RHD: variants seen among roughly 807,000 people sequenced by gnomAD.
The protein encoded by RHD is Rh blood group D antigen.
A neutral mutation model predicts 45.5 loss-of-function variants in RHD; 16 were observed. That is an observed-to-expected ratio of 0.35 (90% CI 0.24 to 0.53). The LOEUF is 0.53. RHD is among the 20% of genes least tolerant of loss of function. The pLI is 0.92. For missense variants in RHD, 306 were observed against 532.0 expected, an observed-to-expected ratio of 0.58 and a Z score of 4.18; for synonymous variants, 131 against 217.5, an observed-to-expected ratio of 0.60 and a Z score of 3.50.
In RHD at chr1:25,274,696, T is replaced by C. The variant is rs2124584829; in HGVS notation, c.148+2001T>C. ...ACTGAGCCTGGGCTTAACATTGCAT[T>C]GCCCTGGAGCCTAAAAGGGGAAACA... is the stretch of plus-strand genomic sequence containing the variant. On this transcript the variant is annotated intron_variant, in intron 1 of 9. Coordinates refer to ENST00000328664, the MANE Select transcript of RHD (RefSeq NM_016124.6). 1.5e-5 allele frequency among the ~76,000 whole-genome samples: 2 copies of C among 133,474 alleles called. 1 individual carries two copies. Among genetic ancestry groups the C allele is most frequent in the African/African-American group, 5.1e-5 (2 of 39,242 alleles). The allele number at this position is 133,474 out of a possible 152,430, so 87.6% of individuals were successfully genotyped here.
chr1:25,276,416 TA>T (rs59061341), intron 1 of RHD, among the ~76,000 whole-genome samples: 2,988 of 88,508 alleles, frequency 0.034, 312 homozygotes, highest in African/African-American at 0.08. Flanking sequence ...AATAGTTAAT[TA>T]AAAAAAAAAA....
chr1:25,313,051 C>T (rs1342615270), intron 7 of RHD, among the ~76,000 whole-genome samples: 1 of 121,060 alleles, frequency 8.3e-6, no homozygotes, highest in Non-Finnish European at 1.9e-5. Flanking sequence ...CCTCAAATTT[C>T]ATGTGTTGGA....
rs951428205 is a variant in RHD at position 25,290,585 on chromosome 1, A to ATGAATGAG, written c.336-53_336-52insATGAGTGA. 4 of 1,172,858 alleles carry ATGAATGAG rather than the reference A, an allele frequency of 3.4e-6. No homozygotes were observed. The African/African-American group carries it at 6.0e-5, about 18-fold the overall frequency. 72.7% of individuals were successfully genotyped at this position (1,172,858 alleles called of 1,614,324 possible). ...AATGAATGAATGAATGAATGAATGAATGAGTGAGAGGCATCCTTCCTTCTC... is the reference window on the plus strand; with the variant it reads ...AATGAATGAATGAATGAATGAATGAATGAATGAGTGAGTGAGAGGCATCCTTCCTTCTC... On this transcript the variant is annotated intron_variant, in intron 2 of 9. Transcript: ENST00000328664.
At chr1:25,307,684 G>A in intron 7 of RHD, 1 of 1,304,048 alleles carries the variant, frequency 7.7e-7, no homozygotes, top group East Asian at 2.5e-5. Context: ...AATGGCTGAA[G>A]CAGGTGATGA....
At chr1:25,323,423 C>T (rs1471265665) in intron 9 of RHD, among the ~76,000 whole-genome samples, 1 of 113,518 alleles carries the variant, frequency 8.8e-6, no homozygotes, top group Non-Finnish European at 2.1e-5. Context: ...CCAAAGGCAA[C>T]CACTGAACTA....
intron 1 of RHD, among the ~76,000 whole-genome samples, chr1:25,273,300 T>TA (rs1276094160): frequency 1.8e-5 from 2 of 112,594 alleles, no homozygotes; most frequent in Non-Finnish European, 3.9e-5. Flanking sequence ...CATGCCTGGC[T>TA]AATTTTTTTT....
chr1:25,280,201 G>A (rs943924703), intron 1 of RHD, among the ~76,000 whole-genome samples: 2 of 128,844 alleles, frequency 1.6e-5, no homozygotes, highest in Admixed American at 1.5e-4. Context: ...GTAGAGCCTT[G>A]GGGAGGAAGG....
Position 25,281,310 on chromosome 1 carries a change from A to G in RHD, c.149-3263A>G, listed in dbSNP as rs1641471545. Among the ~76,000 whole-genome samples the G allele has an allele frequency of 1.6e-5, 2 of 128,610 alleles. 1 individual carries two copies. The highest frequency in any genetic ancestry group is 1.5e-4 in the Admixed American group (2 of 13,318). 84.4% of individuals were successfully genotyped at this position (128,610 alleles called of 152,430 possible). ...CTGAAGGTCTTCCTTACAATGTACA[A>G]TTCTCCTCTGGGCCCGGTCATGAGC... is the stretch of plus-strand genomic sequence containing the variant. On this transcript the variant is annotated intron_variant, in intron 1 of 9. Transcript: ENST00000328664.
intron 3 of RHD, among the ~76,000 whole-genome samples, chr1:25,297,654 A>G (rs1404305853): frequency 7.6e-6 from 1 of 132,046 alleles, no homozygotes; most frequent in Admixed American, 7.4e-5. Flanking sequence ...TATTTATATC[A>G]CCATGGGCTC....
Position 25,289,823 on chromosome 1 carries a change from A to ATT in RHD, c.336-805_336-804dup, listed in dbSNP as rs71014347. Among the ~76,000 whole-genome samples the ATT allele has an allele frequency of 8.2e-4, 95 of 115,906 alleles. 17 individuals carry two copies. Among genetic ancestry groups the ATT allele is most frequent in the South Asian group, 4.4e-3 (17 of 3,850 alleles). 76.0% of individuals were successfully genotyped at this position (115,906 alleles called of 152,430 possible). ...TGTAGCCTGTCTAGATCATAAGTAC[A>ATT]TTTTTTTTTTTTTTGGATCATAAGT... On this transcript the variant is annotated intron_variant, in intron 2 of 9. Coordinates refer to ENST00000328664, the MANE Select transcript of RHD (RefSeq NM_016124.6).
intron 3 of RHD, among the ~76,000 whole-genome samples, chr1:25,298,305 A>T (rs1237234920): frequency 8.2e-6 from 1 of 122,306 alleles, no homozygotes; most frequent in African/African-American, 2.6e-5. Flanking sequence ...TGCAGTCTTC[A>T]TAACGATTGC....
chr1:25,319,277 G>A lies in RHD; in HGVS notation c.1153+2198G>A, dbSNP rs1384495143. Reference sequence around the variant, plus strand: ...ATCATATTGTTCCTTTAAGAGTTAAGACCAACAAGTTTTCTTCTTTACATG... The same window carrying A: ...ATCATATTGTTCCTTTAAGAGTTAAAACCAACAAGTTTTCTTCTTTACATG... On this transcript the variant is annotated intron_variant, in intron 8 of 9. Transcript: ENST00000328664. 5.3e-5 allele frequency among the ~76,000 whole-genome samples: 7 copies of A among 131,604 alleles called. 3 individuals carry two copies. The highest frequency in any genetic ancestry group is 1.3e-4 in the Non-Finnish European group (7 of 55,684). 86.3% of individuals were successfully genotyped at this position (131,604 alleles called of 152,430 possible).
At chr1:25,313,202 T>G (rs1644261084) in intron 7 of RHD, among the ~76,000 whole-genome samples, 1 of 130,308 alleles carries the variant, frequency 7.7e-6, no homozygotes, top group African/African-American at 2.6e-5. Flanking sequence ...TGAGCTGACA[T>G]GCTCTTGCCC....
intron 3 of RHD, among the ~76,000 whole-genome samples, chr1:25,293,824 T>C (rs1433248326): frequency 7.6e-6 from 1 of 132,168 alleles, no homozygotes; most frequent in Admixed American, 7.4e-5. Flanking sequence ...AATTTGATCA[T>C]GTACTAATCA....
At chr1:25,284,006 C>T (rs1007944841) in intron 1 of RHD, among the ~76,000 whole-genome samples, 3 of 134,810 alleles carry the variant, frequency 2.2e-5, no homozygotes, top group East Asian at 1.9e-4. Flanking sequence ...TTTCTGCCAG[C>T]CAGCTCACCA....
Position 25,282,274 on chromosome 1 carries a change from G to A in RHD, c.149-2299G>A, listed in dbSNP as rs533852489. Reference sequence around the variant, plus strand: ...TTTTGAGACAGAGTCTCACTGTGTCGCCCAGGCTGGAGTGCAGTGGTGCGG... The same window carrying A: ...TTTTGAGACAGAGTCTCACTGTGTCACCCAGGCTGGAGTGCAGTGGTGCGG... On this transcript the variant is annotated intron_variant, in intron 1 of 9. Transcript: ENST00000328664. 2.4e-4 allele frequency among the ~76,000 whole-genome samples: 31 copies of A among 131,202 alleles called. 4 individuals are homozygous for A. The highest frequency in any genetic ancestry group is 6.0e-4 in the African/African-American group (23 of 38,636). The allele number at this position is 131,202 out of a possible 152,430, so 86.1% of individuals were successfully genotyped here. A position where few individuals can be genotyped will look rare whatever the true frequency, so the allele number is the denominator to read the frequency against.
chr1:25,275,377 G>A (rs1191919780), intron 1 of RHD, among the ~76,000 whole-genome samples: 3 of 132,454 alleles, frequency 2.3e-5, no homozygotes, highest in East Asian at 2.0e-4. Flanking sequence ...TTCAGTCTGA[G>A]GTCCGAATAG....
chr1:25,314,184 C>T lies in RHD; in HGVS notation c.1074-2816C>T, dbSNP rs904762005. On this transcript the variant is annotated intron_variant, in intron 7 of 9. Transcript: ENST00000328664. ...CTAAACAATTTTCTCTAGTAGTTTG[C>T]GCCAATCTAATCACCAGTAGTGTAT... Among the ~76,000 whole-genome samples the T allele has an allele frequency of 4.5e-5, 6 of 132,886 alleles. 1 individual carries two copies. Among genetic ancestry groups the T allele is most frequent in the African/African-American group, 7.7e-5 (3 of 38,970 alleles). 87.2% of individuals were successfully genotyped at this position (132,886 alleles called of 152,430 possible).
chr1:25,309,923 T>TG (rs1409569319), intron 7 of RHD, among the ~76,000 whole-genome samples: 1 of 133,308 alleles, frequency 7.5e-6, no homozygotes, highest in East Asian at 2.0e-4. Context: ...TAGAATGAGT[T>TG]GTGGGGTGGC....
Sources: allele counts gnomAD v4.1 joint callset (sites outside exome capture counted in the v4.1 genomes callset), GRCh38; gene constraint gnomAD v4.1.1; transcripts MANE v1.5; gene names NCBI Gene and HGNC (gene_info 2026-07-23, HGNC 2026-07-21).